Variants in XYLT1 observed in about 807,000 individuals in gnomAD.
XYLT1 encodes xylosyltransferase 1, also known as beta-D-xylosyltransferase 1.
In XYLT1, 36 loss-of-function variants were observed where a neutral mutation model predicts 91.3. The ratio of observed to expected loss-of-function variants is 0.39; its 90% CI spans 0.30 to 0.52. The LOEUF (loss-of-function observed/expected upper bound fraction) is 0.52. XYLT1 is among the 20% of genes least tolerant of loss of function. The pLI is 0.68. For missense variants in XYLT1, 1,242 were observed against 1,284.5 expected (o/e 0.97, Z 0.51); for synonymous variants, 588 against 532.0 (o/e 1.11, Z -1.45).
At chr16:17,131,110 T>C (rs565119191) in intron 9 of XYLT1, among the ~76,000 whole-genome samples, 2 of 152,272 alleles carry the variant, frequency 1.3e-5, no homozygotes, top group African/African-American at 4.8e-5. Context: ...TCTCCGTGCC[T>C]AACACACAGG....
chr16:17,201,460 C>T (rs55692496), intron 3 of XYLT1, among the ~76,000 whole-genome samples: 3,333 of 151,800 alleles, frequency 0.022, 46 homozygotes, highest in South Asian at 0.04. Flanking sequence ...AGAACTACTA[C>T]ATAAGAGAGG....
intron 2 of XYLT1, among the ~76,000 whole-genome samples, chr16:17,279,220 C>T (rs764097011): frequency 2.6e-5 from 4 of 152,192 alleles, no homozygotes; most frequent in African/African-American, 9.7e-5. Context: ...TCAACTTAGC[C>T]GTGCCGTTTT....
At chr16:17,130,830 C>A (rs2030442176) in intron 9 of XYLT1, among the ~76,000 whole-genome samples, 2 of 152,120 alleles carry the variant, frequency 1.3e-5, no homozygotes. Flanking sequence ...TTCATGCTTT[C>A]AGTAAAATCC....
intron 1 of XYLT1, among the ~76,000 whole-genome samples, chr16:17,456,038 A>T (rs913282652): frequency 6.6e-6 from 1 of 152,180 alleles, no homozygotes; most frequent in Admixed American, 6.5e-5. Context: ...TCAAAATATT[A>T]CGTGTCAGGT....
intron 3 of XYLT1, among the ~76,000 whole-genome samples, chr16:17,226,610 A>C (rs962839165): frequency 4.6e-5 from 7 of 152,208 alleles, no homozygotes; most frequent in African/African-American, 7.2e-5. Flanking sequence ...CAACGTGGCG[A>C]AACCCTGTCT....
intron 1 of XYLT1, among the ~76,000 whole-genome samples, chr16:17,428,882 C>G (rs1326141777): frequency 6.6e-6 from 1 of 152,164 alleles, no homozygotes; most frequent in African/African-American, 2.4e-5. Flanking sequence ...GGCTGGGAGG[C>G]TGCTATTTCA....
chr16:17,302,551 C>T (rs1292582634), intron 2 of XYLT1, among the ~76,000 whole-genome samples: 1 of 152,214 alleles, frequency 6.6e-6, no homozygotes, highest in Non-Finnish European at 1.5e-5. Context: ...GATTTGTTTT[C>T]CTTGATGGCA....
intron 7 of XYLT1, chr16:17,138,778 C>CAACT (rs2030867771): frequency 2.3e-6 from 1 of 443,718 alleles, no homozygotes; most frequent in Non-Finnish European, 4.1e-6. Flanking sequence ...ATGTATAACA[C>CAACT]AACTACCTGA....
intron 11 of XYLT1, among the ~76,000 whole-genome samples, chr16:17,112,965 G>T (rs538564087): frequency 6.6e-6 from 1 of 151,850 alleles, no homozygotes; most frequent in Non-Finnish European, 1.5e-5. Context: ...TCAGCCTCCC[G>T]AGTAGCTGGG....
chr16:17,117,926 A>G lies in XYLT1; in HGVS notation c.2277T>C (p.Leu759=), dbSNP rs761614484. The G allele has an allele frequency of 1.4e-5, 23 of 1,613,860 alleles. No individual in the cohort carries two copies. In the Middle Eastern group the frequency reaches 1.5e-3, roughly 104 times the overall value. Residue 759 remains leucine (L), a synonymous_variant, in exon 11 of 12, where the codon CTT becomes CTC. Coordinates refer to ENST00000261381, the MANE Select transcript of XYLT1 (RefSeq NM_022166.4). The part of the protein sequence containing the change: ...KERLFRNFGG[L]LGPMDEPVGM... The stretch of plus-strand genomic sequence containing the variant: ...CCACCGGCTCATCCATGGGCCCCAG[A>G]AGACCCCCAAAGTTGCGGAATAGCC...
At chr16:17,318,269 C>T (rs1317134421) in intron 2 of XYLT1, among the ~76,000 whole-genome samples, 1 of 152,140 alleles carries the variant, frequency 6.6e-6, no homozygotes, top group Admixed American at 6.5e-5. Context: ...AAAGCCGGGG[C>T]TCTTAACCAC....
chr16:17,243,077 A>C (rs755757928), intron 3 of XYLT1, among the ~76,000 whole-genome samples: 16 of 152,220 alleles, frequency 1.1e-4, no homozygotes, highest in Non-Finnish European at 1.9e-4. Context: ...CTATAAACAA[A>C]GGTGTACAAA....
At chr16:17,172,781 T>G (rs2031855698) in intron 5 of XYLT1, among the ~76,000 whole-genome samples, 1 of 152,168 alleles carries the variant, frequency 6.6e-6, no homozygotes, top group South Asian at 2.1e-4. Flanking sequence ...CCGACTGTGT[T>G]CATTTCTGAC....
rs1215382893 is a variant in XYLT1, at chr16:17,102,075, A to G, written c.*6620T>C. On this transcript the variant is annotated 3_prime_UTR_variant, in exon 12 of 12. Transcript: ENST00000261381. ...TTATAGGAGGTTGTTGCTATAATCCAGTTAGAAGATGACAGCAGTTTTTAT... is the reference window on the plus strand; with the variant it reads ...TTATAGGAGGTTGTTGCTATAATCCGGTTAGAAGATGACAGCAGTTTTTAT... 6.6e-6 allele frequency: 1 copy of G among 152,226 alleles called. No homozygotes were observed. 9.4% of individuals were successfully genotyped at this position (152,226 alleles called of 1,614,324 possible).
At chr16:17,388,983 G>A (rs986961303) in intron 1 of XYLT1, among the ~76,000 whole-genome samples, 5 of 152,174 alleles carry the variant, frequency 3.3e-5, no homozygotes, top group Non-Finnish European at 5.9e-5. Flanking sequence ...GTAACAAATG[G>A]GAATATGCAG....
intron 2 of XYLT1, among the ~76,000 whole-genome samples, chr16:17,337,882 G>A (rs574047282): frequency 6.7e-6 from 1 of 149,170 alleles, no homozygotes; most frequent in South Asian, 2.1e-4. Flanking sequence ...CAGGGTTCAA[G>A]TGATTCTTCT....
rs536649389 is a variant in XYLT1 at position 17,189,090 on chromosome 16, T to C, written c.1289+9122A>G. On this transcript the variant is annotated intron_variant, in intron 5 of 11. Transcript: ENST00000261381. ...GAAGGAGCCCTGTCTCCTGAACTCA[T>C]CTGTGGGAGTAGAGAAGTATCTTCA... 2.0e-5 allele frequency among the ~76,000 whole-genome samples: 3 copies of C among 152,326 alleles called. No individual in the cohort carries two copies. In the South Asian group the frequency reaches 6.2e-4, roughly 32 times the overall value.
At chr16:17,392,593 C>T (rs760485797) in intron 1 of XYLT1, among the ~76,000 whole-genome samples, 10 of 152,146 alleles carry the variant, frequency 6.6e-5, no homozygotes, top group Non-Finnish European at 1.5e-4. Context: ...AAGGAAACCC[C>T]TTCTCTCTCA....
chr16:17,121,083 A>T (rs187517690), intron 10 of XYLT1, among the ~76,000 whole-genome samples: 18 of 152,294 alleles, frequency 1.2e-4, no homozygotes, highest in Admixed American at 1.0e-3. Context: ...GGCTGAACAC[A>T]TGGACTTCCC....
Sources: gnomAD v4.1 joint callset for allele counts (sites outside exome capture counted in the v4.1 genomes callset) on GRCh38, gnomAD v4.1.1 for gene constraint, MANE v1.5 for transcripts, NCBI Gene and HGNC (gene_info 2026-07-23, HGNC 2026-07-21) for gene names.